Variants in CDKAL1 observed in about 807,000 individuals in gnomAD.
CDKAL1 encodes the protein CDKAL1 threonylcarbamoyladenosine tRNA methylthiotransferase, also known as threonylcarbamoyladenosine tRNA methylthiotransferase.
CDKAL1 carries 32 observed loss-of-function variants against 68.2 expected under a neutral mutation model. The observed-to-expected ratio is 0.47, with a 90% CI of 0.35 to 0.63. The LOEUF is 0.63. Ranked by LOEUF, CDKAL1 falls within the 30% of genes least tolerant of loss-of-function variation. The pLI is 0.00. For missense variants in CDKAL1, 606 were observed against 696.7 expected, an observed-to-expected ratio of 0.87 and a Z score of 1.47; for synonymous variants, 234 against 244.3, an observed-to-expected ratio of 0.96 and a Z score of 0.39.
intron 6 of CDKAL1, among the ~76,000 whole-genome samples, chr6:20,755,030 A>G (rs1774108334): frequency 6.6e-6 from 1 of 152,236 alleles, no homozygotes. Context: ...ACAAGAGTGG[A>G]TGCAGTGCTT....
intron 9 of CDKAL1, among the ~76,000 whole-genome samples, chr6:20,896,819 A>G (rs1395543587): frequency 2.6e-5 from 4 of 152,174 alleles, no homozygotes; most frequent in South Asian, 2.1e-4. Context: ...CCCACTCCCT[A>G]CCTTTCTCAA....
intron 12 of CDKAL1, among the ~76,000 whole-genome samples, chr6:21,094,374 T>C (rs1773213761): frequency 6.6e-6 from 1 of 152,210 alleles, no homozygotes; most frequent in African/African-American, 2.4e-5. Flanking sequence ...TGGGAAGCTA[T>C]GTGGAGCTGG....
chr6:20,705,087 A>C (rs1033719771), intron 5 of CDKAL1, among the ~76,000 whole-genome samples: 3 of 152,198 alleles, frequency 2.0e-5, no homozygotes, highest in Admixed American at 6.5e-5. Context: ...TGCAAGTGTT[A>C]ATTTTTCCTG....
intron 5 of CDKAL1, among the ~76,000 whole-genome samples, chr6:20,711,221 A>G (rs533907331): frequency 2.0e-5 from 3 of 152,340 alleles, no homozygotes; most frequent in South Asian, 4.1e-4. Context: ...GTTTTGAAAT[A>G]TACATGTTAA....
intron 5 of CDKAL1, among the ~76,000 whole-genome samples, chr6:20,670,180 G>T (rs1769744771): frequency 6.6e-6 from 1 of 152,148 alleles, no homozygotes; most frequent in African/African-American, 2.4e-5. Flanking sequence ...CTGTGAAAAA[G>T]AAATTTTACT....
chr6:21,102,130 C>G (rs114476919), intron 12 of CDKAL1, among the ~76,000 whole-genome samples: 3,465 of 152,278 alleles, frequency 0.023, 54 homozygotes, highest in Non-Finnish European at 0.036. Context: ...TTCAGCCCAA[C>G]TAGGACTCCC....
At chr6:20,588,172 G>A (rs1765452598) in intron 4 of CDKAL1, among the ~76,000 whole-genome samples, 2 of 152,150 alleles carry the variant, frequency 1.3e-5, no homozygotes, top group South Asian at 2.1e-4. Flanking sequence ...AATATTTGAT[G>A]GGTTTAATAC....
At chr6:20,894,143 T>G (rs1761552584) in intron 9 of CDKAL1, among the ~76,000 whole-genome samples, 1 of 152,192 alleles carries the variant, frequency 6.6e-6, no homozygotes, top group Non-Finnish European at 1.5e-5. Context: ...GTATCTAAAG[T>G]GTTATTTTGG....
intron 10 of CDKAL1, among the ~76,000 whole-genome samples, chr6:20,968,946 T>G (rs541963482): frequency 2.0e-5 from 3 of 152,246 alleles, no homozygotes; most frequent in Admixed American, 6.5e-5. Flanking sequence ...TTTTTTCCTG[T>G]GCACAAACCA....
chr6:20,669,569 T>C (rs73732720), intron 5 of CDKAL1, among the ~76,000 whole-genome samples: 8,447 of 152,054 alleles, frequency 0.056, 758 homozygotes, highest in African/African-American at 0.19. Flanking sequence ...CTTATACTAA[T>C]GAGAATGGTA....
At chr6:20,915,809 T>C (rs1366151543) in intron 9 of CDKAL1, among the ~76,000 whole-genome samples, 2 of 152,166 alleles carry the variant, frequency 1.3e-5, no homozygotes, top group East Asian at 3.9e-4. Context: ...CATATGTCTT[T>C]CAACAAGTGA....
chr6:20,844,621 G>A (rs915687014), intron 8 of CDKAL1, among the ~76,000 whole-genome samples: 6 of 151,756 alleles, frequency 4.0e-5, no homozygotes, highest in Non-Finnish European at 8.8e-5. Context: ...AGGCCGAGAG[G>A]GGAGGGTCGC....
At position 20,689,373 on chromosome 6, in the gene CDKAL1, C is replaced by T. The variant is rs373958664; in HGVS notation, c.371+39996C>T. Among the ~76,000 whole-genome samples the T allele has an allele frequency of 6.9e-4, 105 of 152,296 alleles. 1 individual carries two copies. The highest frequency in any genetic ancestry group is 2.3e-3 in the African/African-American group (96 of 41,550). ...ATTTTCCTACCCTAACACTCGTTCC[C>T]GTGGAGGTTTGTGGTTTTCTGCTCA... On this transcript the variant is annotated intron_variant, in intron 5 of 15. Transcript: ENST00000274695.
chr6:20,937,392 A>G (rs1240713703), intron 9 of CDKAL1, among the ~76,000 whole-genome samples: 1 of 152,226 alleles, frequency 6.6e-6, no homozygotes, highest in African/African-American at 2.4e-5. Context: ...CTGGCTTTAA[A>G]TGTTTCTATT....
At chr6:21,096,801 C>T (rs1773340762) in intron 12 of CDKAL1, among the ~76,000 whole-genome samples, 1 of 152,142 alleles carries the variant, frequency 6.6e-6, no homozygotes, top group Admixed American at 6.5e-5. Flanking sequence ...CAGTGTAGTA[C>T]ATAGACAGCA....
At chr6:20,547,016 T>G (rs1018043446) in intron 3 of CDKAL1, among the ~76,000 whole-genome samples, 8 of 152,156 alleles carry the variant, frequency 5.3e-5, no homozygotes, top group Non-Finnish European at 1.0e-4. Context: ...ATATCACATT[T>G]TTTTTTTTGG....
At chr6:20,673,966 TTC>T (rs1197879894) in intron 5 of CDKAL1, among the ~76,000 whole-genome samples, 1 of 152,200 alleles carries the variant, frequency 6.6e-6, no homozygotes, top group Non-Finnish European at 1.5e-5. Context: ...ATGTTTTATG[TTC>T]TTTGTTGCCT....
chr6:20,645,218 G>A (rs1768385268), intron 4 of CDKAL1, among the ~76,000 whole-genome samples: 1 of 152,068 alleles, frequency 6.6e-6, no homozygotes, highest in African/African-American at 2.4e-5. Flanking sequence ...CCCTACTGTA[G>A]ACTTTATAAA....
chr6:21,186,140 C>A (rs1778001540), intron 13 of CDKAL1, among the ~76,000 whole-genome samples: 1 of 152,146 alleles, frequency 6.6e-6, no homozygotes, highest in Admixed American at 6.5e-5. Context: ...GTATTGCCCA[C>A]TGCTGAAAGA....
Sources: allele counts gnomAD v4.1 joint callset (sites outside exome capture counted in the v4.1 genomes callset), GRCh38; gene constraint gnomAD v4.1.1; transcripts MANE v1.5; gene names NCBI Gene and HGNC (gene_info 2026-07-23, HGNC 2026-07-21).